GAB3: variants seen among roughly 807,000 people sequenced by gnomAD.
GAB3 encodes the protein GRB2 associated binding protein 3.
GAB3 carries 12 observed loss-of-function variants against 40.4 expected under a neutral mutation model. The ratio of observed to expected loss-of-function variants is 0.30; its 90% confidence interval spans 0.19 to 0.48. The LOEUF is 0.48. GAB3 is among the 20% of genes least tolerant of loss of function. The pLI is 0.99. For synonymous variants in GAB3, 154 were observed against 176.7 expected (o/e 0.87, Z 1.02); for missense variants, 381 against 461.9 (o/e 0.82, Z 1.61).
intron 4 of GAB3, among the ~76,000 whole-genome samples, chrX:154,701,062 C>A (rs2070733954): frequency 9.0e-6 from 1 of 111,478 alleles, no homozygotes; most frequent in Non-Finnish European, 1.9e-5. Context: ...AAAAACTACT[C>A]TGAAGTCAGA....
At chrX:154,743,845 G>C (rs1557261629) in intron 1 of GAB3, among the ~76,000 whole-genome samples, 2 of 111,579 alleles carry the variant, frequency 1.8e-5, no homozygotes, top group Admixed American at 9.5e-5. Context: ...ATGAATAACA[G>C]CTAGCAAGAT....
At chrX:154,698,542 T>C (rs1189463506) in intron 6 of GAB3, among the ~76,000 whole-genome samples, 5 of 112,061 alleles carry the variant, frequency 4.5e-5, no homozygotes, top group African/African-American at 1.6e-4. Flanking sequence ...CAAAGAGAAG[T>C]TGGAATGCAC....
In GAB3 at chrX:154,713,378, G is replaced by T; in HGVS notation, c.425C>A (p.Ser142Tyr). ...GGCGGTAAGAAGGGAGCTGGCAGAGGATGGCTGCAGGGAGGAGGGCGTGTA... is the reference window on the plus strand; with the variant it reads ...GGCGGTAAGAAGGGAGCTGGCAGAGTATGGCTGCAGGGAGGAGGGCGTGTA... ...LSYTPSSLQP[S>Y]SASSLLTAHA... The change falls in exon 3 of 10, where the codon TCC becomes TAC. Residue 142 changes from serine (S) to tyrosine (Y), a missense_variant. Transcript: ENST00000424127. 8.3e-7 allele frequency: 1 copy of T among 1,209,931 alleles called. No homozygotes were observed. The highest frequency in any genetic ancestry group is 1.1e-6 in the Non-Finnish European group (1 of 895,207).
intron 1 of GAB3, among the ~76,000 whole-genome samples, chrX:154,732,174 A>T (rs894809010): frequency 8.9e-6 from 1 of 112,013 alleles, no homozygotes; most frequent in Non-Finnish European, 1.9e-5. Context: ...GAGCTGAATG[A>T]CTGGGATTGT....
At chrX:154,718,101 T>C (rs1400087500) in intron 1 of GAB3, among the ~76,000 whole-genome samples, 1 of 110,777 alleles carries the variant, frequency 9.0e-6, no homozygotes, top group Non-Finnish European at 1.9e-5. Flanking sequence ...TCTAGCTTCA[T>C]TTATGTGTGA....
At chrX:154,737,103 A>G (rs1477376862) in intron 1 of GAB3, among the ~76,000 whole-genome samples, 1 of 111,447 alleles carries the variant, frequency 9.0e-6, no homozygotes, top group Non-Finnish European at 1.9e-5. Context: ...TTCTTCCTAA[A>G]CCATTAATAT....
At chrX:154,737,157 C>G (rs2071375840) in intron 1 of GAB3, among the ~76,000 whole-genome samples, 1 of 111,959 alleles carries the variant, frequency 8.9e-6, no homozygotes, top group Non-Finnish European at 1.9e-5. Context: ...CCCACTTAGA[C>G]TTCAGGCCCA....
chrX:154,695,094 G>T (rs1286451036), intron 8 of GAB3, among the ~76,000 whole-genome samples: 1 of 111,954 alleles, frequency 8.9e-6, no homozygotes, highest in African/African-American at 3.2e-5. Context: ...AGAGTATATT[G>T]TCACAGAGCC....
chrX:154,716,392 C>T, intron 1 of GAB3, 63 bp from the exon 2 acceptor site: 1 of 1,021,839 alleles, frequency 9.8e-7, no homozygotes. Flanking sequence ...CAGGCTATGC[C>T]AAGAACCCAT....
At chrX:154,705,192 A>C (rs781981196) in intron 4 of GAB3, among the ~76,000 whole-genome samples, 2 of 111,471 alleles carry the variant, frequency 1.8e-5, no homozygotes, top group African/African-American at 3.3e-5. Flanking sequence ...AGAAAACTAC[A>C]GGCCAGTATC....
At chrX:154,724,487 C>G (rs782308263) in intron 1 of GAB3, among the ~76,000 whole-genome samples, 5 of 111,953 alleles carry the variant, frequency 4.5e-5, no homozygotes, top group African/African-American at 1.6e-4. Context: ...CCATACTATA[C>G]AATGATGAGC....
At chrX:154,716,919 G>A (rs1409247486) in intron 1 of GAB3, among the ~76,000 whole-genome samples, 2 of 111,774 alleles carry the variant, frequency 1.8e-5, no homozygotes, top group African/African-American at 6.5e-5. Flanking sequence ...AATTCTCAGA[G>A]AATTAACTAG....
At chrX:154,705,162 A>C (rs1557253241) in intron 4 of GAB3, among the ~76,000 whole-genome samples, 2 of 110,786 alleles carry the variant, frequency 1.8e-5, no homozygotes, top group African/African-American at 3.3e-5. Context: ...CCAAAACCAG[A>C]CAAGGACACA....
Position 154,742,059 on chromosome X carries a change from C to A in GAB3, c.72+8895G>T, listed in dbSNP as rs6643698. Among the ~76,000 whole-genome samples, 27 of 111,560 alleles carry A rather than the reference C, an allele frequency of 2.4e-4. No individual in the cohort carries two copies. In the East Asian group the frequency reaches 5.9e-3, roughly 24 times the overall value. ...TTCCATCAACCATAGGTTCAACCAACCACAAATTGAAATTAGAAGTAAAAA... is the reference window on the plus strand; with the variant it reads ...TTCCATCAACCATAGGTTCAACCAAACACAAATTGAAATTAGAAGTAAAAA... On this transcript the variant is annotated intron_variant, in intron 1 of 9. Coordinates refer to ENST00000424127, the MANE Select transcript of GAB3 (RefSeq NM_001081573.3).
At chrX:154,698,674 T>C (rs1431183801) in intron 6 of GAB3, among the ~76,000 whole-genome samples, 1 of 112,203 alleles carries the variant, frequency 8.9e-6, no homozygotes, top group Non-Finnish European at 1.9e-5. Context: ...CCTCTTTTCC[T>C]ATCTATCTCT....
chrX:154,678,132 G>T lies in GAB3; in HGVS notation c.*46C>A. On this transcript the variant is annotated 3_prime_UTR_variant, in exon 10 of 10. Coordinates refer to ENST00000424127, the MANE Select transcript of GAB3 (RefSeq NM_001081573.3). ...AAAAAAAAAAGAAAAAACTCAAACT[G>T]AGCCCCAAGCTTCCCTGTTTCACAC... is the stretch of plus-strand genomic sequence containing the variant. 21 of 627,405 alleles carry T rather than the reference G, an allele frequency of 3.3e-5. No individual in the cohort carries two copies. The highest frequency in any genetic ancestry group is 4.1e-5 in the Non-Finnish European group (16 of 394,729). 51.7% of individuals were successfully genotyped at this position (627,405 alleles called of 1,213,427 possible).
chrX:154,678,116 A>AAT lies in GAB3; in HGVS notation c.*61_*62insAT. 1.7e-6 allele frequency: 1 copy of AAT among 584,910 alleles called. No individual in the cohort carries two copies. The highest frequency in any genetic ancestry group is 2.8e-6 in the Non-Finnish European group (1 of 363,132). The allele number at this position is 584,910 out of a possible 1,213,427, so 48.2% of individuals were successfully genotyped here. A position where few individuals can be genotyped will look rare whatever the true frequency, so the allele number is the denominator to read the frequency against. On this transcript the variant is annotated 3_prime_UTR_variant, in exon 10 of 10. Coordinates refer to ENST00000424127, the MANE Select transcript of GAB3 (RefSeq NM_001081573.3). ...TTTAGTGGACAAAAAAAAAAAAAAA[A>AAT]GAAAAAACTCAAACTGAGCCCCAAG...
intron 1 of GAB3, among the ~76,000 whole-genome samples, chrX:154,741,173 G>T (rs1465519523): frequency 1.8e-5 from 2 of 111,917 alleles, no homozygotes; most frequent in African/African-American, 6.5e-5. Flanking sequence ...CTTGTCTGCT[G>T]CCATGTGAGA....
At chrX:154,719,176 T>C (rs949537340) in intron 1 of GAB3, among the ~76,000 whole-genome samples, 1 of 111,385 alleles carries the variant, frequency 9.0e-6, no homozygotes, top group African/African-American at 3.3e-5. Flanking sequence ...ATGAAGAAGT[T>C]TGGGCTTTAT....
Sources: gnomAD v4.1 joint callset for allele counts (sites outside exome capture counted in the v4.1 genomes callset) on GRCh38, gnomAD v4.1.1 for gene constraint, MANE v1.5 for transcripts, NCBI Gene and HGNC (gene_info 2026-07-23, HGNC 2026-07-21) for gene names.